The following GAD2 variants were observed in gnomAD, a reference collection of about 807,000 sequenced individuals.
GAD2 encodes the protein glutamate decarboxylase 2.
A neutral mutation model predicts 80.1 loss-of-function variants in GAD2; 22 were observed. The ratio of observed to expected loss-of-function variants is 0.27; its 90% CI spans 0.20 to 0.39. The LOEUF (loss-of-function observed/expected upper bound fraction) is 0.39, where lower values mean the gene tolerates loss of function less well. GAD2 is among the 10% of genes least tolerant of loss of function. The pLI is 1.00. For synonymous variants in GAD2, 274 were observed against 256.9 expected (o/e 1.07, Z -0.64); for missense variants, 624 against 738.4 (o/e 0.85, Z 1.80).
chr10:26,267,778 A>T (rs1319154287), intron 8 of GAD2, among the ~76,000 whole-genome samples: 1 of 152,194 alleles, frequency 6.6e-6, no homozygotes, highest in Admixed American at 6.5e-5. Context: ...CCTGAAAAAA[A>T]AAAAGGGTCA....
At chr10:26,273,529 C>T (rs967010338) in intron 10 of GAD2, 107 bp from the exon 11 acceptor site, 5 of 886,734 alleles carry the variant, frequency 5.6e-6, no homozygotes, top group Non-Finnish European at 9.2e-6. Flanking sequence ...TGGTCAACTT[C>T]CTAAGTGGCC....
At chr10:26,242,277 C>T (rs536742360) in intron 7 of GAD2, among the ~76,000 whole-genome samples, 199 of 151,812 alleles carry the variant, frequency 1.3e-3, no homozygotes, top group African/African-American at 2.5e-3. Context: ...TGAGCCACCG[C>T]GCCCGGCCAC....
chr10:26,253,752 T>C (rs1844909977), intron 8 of GAD2, among the ~76,000 whole-genome samples: 1 of 152,204 alleles, frequency 6.6e-6, no homozygotes, highest in Non-Finnish European at 1.5e-5. Context: ...ATAGAGAAAG[T>C]ACTGGCTGTT....
At chr10:26,258,812 A>ATTTTTTTTTTTTTTTTTT (rs59176915) in intron 8 of GAD2, among the ~76,000 whole-genome samples, 3 of 144,920 alleles carry the variant, frequency 2.1e-5, no homozygotes. Context: ...GCTTCCACCA[A>ATTTTTTTTTTTTTTTTTT]TTTTTTTTTT....
intron 7 of GAD2, among the ~76,000 whole-genome samples, chr10:26,230,836 C>G (rs1164090783): frequency 6.6e-6 from 1 of 151,884 alleles, no homozygotes; most frequent in African/African-American, 2.4e-5. Flanking sequence ...GCCTGTAATC[C>G]CAGCACTTTG....
In GAD2 at chr10:26,222,157, G is replaced by A. The variant is rs8190610; in HGVS notation, c.521-1730G>A. Among the ~76,000 whole-genome samples, 279 of 152,248 alleles carry A rather than the reference G, an allele frequency of 1.8e-3. 1 individual carries two copies. Among genetic ancestry groups the A allele is most frequent in the African/African-American group, 6.4e-3 (266 of 41,548 alleles). Reference sequence around the variant, plus strand: ...AGAGCAAGGTCAAAATATATATAGGGAGGAAGGGAAACCTAGCAATGAAAG... The same window carrying A: ...AGAGCAAGGTCAAAATATATATAGGAAGGAAGGGAAACCTAGCAATGAAAG... On this transcript the variant is annotated intron_variant, in intron 4 of 15. Transcript: ENST00000376261.
chr10:26,264,775 G>A (rs955478080), intron 8 of GAD2, among the ~76,000 whole-genome samples: 1 of 152,192 alleles, frequency 6.6e-6, no homozygotes, highest in Non-Finnish European at 1.5e-5. Flanking sequence ...TGATAGTGCT[G>A]CTATTATGTA....
chr10:26,298,003 G>C (rs904194769), intron 15 of GAD2, among the ~76,000 whole-genome samples: 1 of 152,148 alleles, frequency 6.6e-6, no homozygotes, highest in Admixed American at 6.6e-5. Context: ...GTGAACTGTA[G>C]GACATAAACA....
rs1589142025 is a variant in GAD2, at chr10:26,243,357, A to G, written c.841-2564A>G. 6.6e-5 allele frequency among the ~76,000 whole-genome samples: 10 copies of G among 152,360 alleles called. No individual in the cohort carries two copies. The South Asian group carries it at 1.9e-3, about 28-fold the overall frequency. On this transcript the variant is annotated intron_variant, in intron 7 of 15. Coordinates refer to ENST00000376261, the MANE Select transcript of GAD2 (RefSeq NM_001134366.2). ...TGTGCTGTGTGTTTGAGAATTCAGA[A>G]GAGTACAAAAGTGGGCATTCGAAGA...
chr10:26,218,239 T>C (rs999299463), intron 3 of GAD2: 43 of 399,432 alleles, frequency 1.1e-4, no homozygotes, highest in African/African-American at 7.1e-4. Flanking sequence ...AGCGCGGCCC[T>C]TGGGATGGCG....
chr10:26,236,225 T>C lies in GAD2; in HGVS notation c.840+6448T>C, dbSNP rs547565576. ...AACTCCTGGGCTCAAACACTCCTCC[T>C]GCCTCGCCTCCTAAGTAGCTGGGCC... On this transcript the variant is annotated intron_variant, in intron 7 of 15. Transcript: ENST00000376261. 6.6e-5 allele frequency among the ~76,000 whole-genome samples: 10 copies of C among 152,246 alleles called. No homozygotes were observed. The South Asian group carries it at 2.1e-3, about 32-fold the overall frequency.
chr10:26,242,462 G>C (rs1414869707), intron 7 of GAD2, among the ~76,000 whole-genome samples: 1 of 152,092 alleles, frequency 6.6e-6, no homozygotes, highest in African/African-American at 2.4e-5. Flanking sequence ...GTCCACATGT[G>C]GTCTCGCCGG....
chr10:26,264,684 A>G (rs1284970562), intron 8 of GAD2, among the ~76,000 whole-genome samples: 1 of 152,148 alleles, frequency 6.6e-6, no homozygotes, highest in Non-Finnish European at 1.5e-5. Context: ...GTAAGTGCAA[A>G]ATAACTCTCT....
At position 26,286,119 on chromosome 10, in the gene GAD2, C is replaced by T. The variant is rs575150036; in HGVS notation, c.1237-226C>T. On this transcript the variant is annotated intron_variant, in intron 12 of 15. Coordinates refer to ENST00000376261, the MANE Select transcript of GAD2 (RefSeq NM_001134366.2). ...GTATAAATGTGTCCTTGCTAACCTC[C>T]GTGACATTTGACCCTGAGCCATTGA... 1.2e-4 allele frequency among the ~76,000 whole-genome samples: 18 copies of T among 152,258 alleles called. No individual in the cohort carries two copies. In the East Asian group the frequency reaches 2.3e-3, roughly 20 times the overall value.
At position 26,301,644 on chromosome 10, in the gene GAD2, C is replaced by A. The variant is rs1834330808; in HGVS notation, c.*683C>A. The A allele has an allele frequency of 6.6e-6, 1 of 152,082 alleles. No individual in the cohort carries two copies. The highest frequency in any genetic ancestry group is 1.5e-5 in the Non-Finnish European group (1 of 68,010). 9.4% of individuals were successfully genotyped at this position (152,082 alleles called of 1,614,324 possible). A position where few individuals can be genotyped will look rare whatever the true frequency, so the allele number is the denominator to read the frequency against. On this transcript the variant is annotated 3_prime_UTR_variant, in exon 16 of 16. Coordinates refer to ENST00000376261, the MANE Select transcript of GAD2 (RefSeq NM_001134366.2). ...TTTTGAAACATTGACCCACGAAATT[C>A]TTAAAAGGTATTATTGCTTCTTTCT... is the stretch of plus-strand genomic sequence containing the variant.
rs1321151133 is a variant in GAD2 at position 26,217,637 on chromosome 10, A to G, written c.104A>G (p.Lys35Arg). 8.7e-6 allele frequency: 14 copies of G among 1,613,720 alleles called. No individual in the cohort carries two copies. Among genetic ancestry groups the G allele is most frequent in the Non-Finnish European group, 1.2e-5 (14 of 1,179,870 alleles). ...CGAGCCTGGTGCCAAGTGGCTCAGA[A>G]GTTCACGGGCGGCATCGGAAACAAA... ...TARAWCQVAQ[K>R]FTGGIGNKLC... Residue 35 changes from lysine to arginine, a missense_variant, in exon 2 of 16, where the codon AAG becomes AGG. Lys to Arg is a conservative substitution (Grantham distance 26). Coordinates refer to ENST00000376261, the MANE Select transcript of GAD2 (RefSeq NM_001134366.2). The surrounding 1 kb of genome is among the most constrained non-coding windows in gnomAD (Gnocchi z 4.9).
intron 10 of GAD2, among the ~76,000 whole-genome samples, chr10:26,272,552 A>G (rs201024734): frequency 3.5e-5 from 4 of 115,664 alleles, no homozygotes; most frequent in Admixed American, 2.3e-4. Flanking sequence ...CGTTTGGAAA[A>G]TCATAATTTT....
intron 4 of GAD2, 191 bp downstream of exon 4, chr10:26,219,467 T>A (rs1844426490): frequency 3.9e-6 from 2 of 517,706 alleles, no homozygotes; most frequent in Non-Finnish European, 6.8e-6. Context: ...TTGTTCATGC[T>A]TCTGAAGTTG....
chr10:26,273,142 C>T (rs1845156615), intron 10 of GAD2, among the ~76,000 whole-genome samples: 1 of 152,206 alleles, frequency 6.6e-6, no homozygotes, highest in South Asian at 2.1e-4. Context: ...ATCTTCCCTG[C>T]TTGTGAATTT....
Sources: allele counts gnomAD v4.1 joint callset (sites outside exome capture counted in the v4.1 genomes callset), GRCh38; gene constraint gnomAD v4.1.1; non-coding constraint Gnocchi (gnomAD v3.1); transcripts MANE v1.5; gene names NCBI Gene and HGNC (gene_info 2026-07-23, HGNC 2026-07-21).